The following SLC6A4 variants were observed in gnomAD, a reference collection of about 807,000 sequenced individuals.
SLC6A4 encodes sodium-dependent serotonin transporter.
Under a neutral mutation model 73.4 loss-of-function variants are expected in SLC6A4, and 22 were observed. That is an observed-to-expected ratio of 0.30 (90% CI 0.21 to 0.43). The LOEUF is 0.43. SLC6A4 is among the 20% of genes least tolerant of loss of function. The pLI, the probability that SLC6A4 is intolerant of heterozygous loss-of-function variation, is 1.00. For synonymous variants in SLC6A4, 270 were observed against 315.5 expected, an observed-to-expected ratio of 0.86 and a Z score of 1.53; for missense variants, 593 against 808.5, an observed-to-expected ratio of 0.73 and a Z score of 3.23.
chr17:30,219,019 G>A (rs185691990), intron 3 of SLC6A4, 88 bp from the exon 4 acceptor site: 366 of 1,537,666 alleles, frequency 2.4e-4, no homozygotes, highest in Non-Finnish European at 2.9e-4. Context: ...CACAGTCGCC[G>A]GATGATGTGA....
At chr17:30,200,011 G>A (rs1408044214) in intron 14 of SLC6A4, among the ~76,000 whole-genome samples, 5 of 151,884 alleles carry the variant, frequency 3.3e-5, no homozygotes, top group Admixed American at 6.6e-5. Flanking sequence ...GGATCCTCCT[G>A]CCTCAGCCTC....
chr17:30,200,494 C>T (rs1371315040), intron 14 of SLC6A4, among the ~76,000 whole-genome samples: 2 of 152,186 alleles, frequency 1.3e-5, no homozygotes, highest in South Asian at 2.1e-4. Context: ...ACTTCCAGAC[C>T]GTGGGTGTGT....
intron 2 of SLC6A4, among the ~76,000 whole-genome samples, chr17:30,222,500 A>G (rs1906799253): frequency 6.6e-6 from 1 of 152,222 alleles, no homozygotes; most frequent in South Asian, 2.1e-4. Context: ...AACAATGACA[A>G]GCAAAGGCGT....
intron 1 of SLC6A4, among the ~76,000 whole-genome samples, chr17:30,232,272 G>T (rs1001942813): frequency 4.6e-5 from 7 of 152,218 alleles, no homozygotes; most frequent in African/African-American, 1.7e-4. Context: ...TGGGTTCGCT[G>T]TGTCCCCAGC....
In SLC6A4 at chr17:30,207,743, G is replaced by C; in HGVS notation, c.1639C>G (p.Leu547Val). ...AAATGGCAACTCACCAGGAGAAACA[G>C]AGGGCTGATGGCCACCCAGCAGATC... ...WRICWVAISP[L>V]FLLFIICSFL... The change falls in exon 13 of 15, where the codon CTG becomes GTG. Residue 547 changes from leucine (L) to valine (V), a missense_variant. Leu to Val is a conservative substitution (Grantham distance 32). Transcript: ENST00000650711. 6.2e-7 allele frequency: 1 copy of C among 1,609,782 alleles called. No individual in the cohort carries two copies. Among genetic ancestry groups the C allele is most frequent in the Non-Finnish European group, 8.5e-7 (1 of 1,176,018 alleles).
At chr17:30,202,860 T>G (rs1210657371) in intron 14 of SLC6A4, among the ~76,000 whole-genome samples, 2 of 152,238 alleles carry the variant, frequency 1.3e-5, no homozygotes, top group Non-Finnish European at 2.9e-5. Flanking sequence ...CTGATATCCA[T>G]GCCCAGTGGC....
intron 14 of SLC6A4, among the ~76,000 whole-genome samples, chr17:30,199,648 C>G (rs978053368): frequency 6.6e-6 from 1 of 152,134 alleles, no homozygotes; most frequent in African/African-American, 2.4e-5. Context: ...ACATTTTGTG[C>G]TCCTCATGAC....
At chr17:30,214,422 CAAA>C (rs748274109) in intron 8 of SLC6A4, among the ~76,000 whole-genome samples, 2 of 79,492 alleles carry the variant, frequency 2.5e-5, no homozygotes, top group African/African-American at 5.4e-5. Context: ...AACTCCGTCT[CAAA>C]AAAAAAAAAA....
At chr17:30,199,441 T>C (rs1905961724) in intron 14 of SLC6A4, among the ~76,000 whole-genome samples, 1 of 152,228 alleles carries the variant, frequency 6.6e-6, no homozygotes, top group Non-Finnish European at 1.5e-5. Context: ...GAAAGCATCC[T>C]TTGATTTACT....
rs781026069 is a variant in SLC6A4 at position 30,221,588 on chromosome 17, GCCTCTACTCGCA to G, written c.343+16_343+27del. On this transcript the variant is annotated intron_variant, in intron 3 of 14. Transcript: ENST00000650711. Reference sequence around the variant, plus strand: ...GGGTCACAGCCCACCCTGGGTCACAGCCTCTACTCGCAGCCTGTGATACTGACCCCCTCCATT... The same window carrying G: ...GGGTCACAGCCCACCCTGGGTCACAGGCCTGTGATACTGACCCCCTCCATT... 4 of 1,590,276 alleles carry G rather than the reference GCCTCTACTCGCA, an allele frequency of 2.5e-6. No individual in the cohort carries two copies. The highest frequency in any genetic ancestry group is 3.4e-6 in the Non-Finnish European group (4 of 1,162,662).
chr17:30,216,041 A>G, intron 7 of SLC6A4, 41 bp downstream of exon 7: 1 of 1,589,210 alleles, frequency 6.3e-7, no homozygotes, highest in Non-Finnish European at 8.6e-7. Flanking sequence ...TTCGTTTAGT[A>G]AAATGACAGA....
chr17:30,222,016 G>A lies in SLC6A4; in HGVS notation c.-58C>T. ...CTGCCAAGGATCCCAATTGATCTCT[G>A]GGTGCTTGGATTTGTGGATCACCTC... On this transcript the variant is annotated 5_prime_UTR_variant, in exon 3 of 15. Coordinates refer to ENST00000650711, the MANE Select transcript of SLC6A4 (RefSeq NM_001045.6). 6.2e-7 allele frequency: 1 copy of A among 1,611,632 alleles called. No homozygotes were observed. The highest frequency in any genetic ancestry group is 8.5e-7 in the Non-Finnish European group (1 of 1,179,154).
intron 4 of SLC6A4, among the ~76,000 whole-genome samples, chr17:30,218,593 A>G (rs1056789373): frequency 6.6e-6 from 1 of 152,256 alleles, no homozygotes; most frequent in Admixed American, 6.5e-5. Flanking sequence ...TGTTTACATT[A>G]GTTTACTTCT....
Position 30,195,657 on chromosome 17 carries a change from T to A in SLC6A4, c.*2799A>T, listed in dbSNP as rs1347996044. ...AGAGAAATTAGCTTGGTCCCCAGGT[T>A]TGTCTCTGCCTCTAATGGCATTATC... On this transcript the variant is annotated 3_prime_UTR_variant, in exon 15 of 15. Coordinates refer to ENST00000650711, the MANE Select transcript of SLC6A4 (RefSeq NM_001045.6). 6.6e-6 allele frequency: 1 copy of A among 152,166 alleles called. No homozygotes were observed. Among genetic ancestry groups the A allele is most frequent in the Non-Finnish European group, 1.5e-5 (1 of 68,040 alleles). The allele number at this position is 152,166 out of a possible 1,614,324, so 9.4% of individuals were successfully genotyped here. A position where few individuals can be genotyped will look rare whatever the true frequency, so the allele number is the denominator to read the frequency against.
intron 11 of SLC6A4, 36 bp from the exon 12 acceptor site, chr17:30,209,278 C>G (rs1906309809): frequency 2.3e-6 from 3 of 1,318,958 alleles, no homozygotes; most frequent in Non-Finnish European, 3.3e-6. Context: ...GAGGGCCCTC[C>G]AAGGAGCCAC....
Position 30,195,755 on chromosome 17 carries a change from T to C in SLC6A4, c.*2701A>G, listed in dbSNP as rs200764971. Reference sequence around the variant, plus strand: ...ATGAAGTGGGGAAGGGGCAATACTATGGAAAATAGAAAAAGAAGACTTAAA... The same window carrying C: ...ATGAAGTGGGGAAGGGGCAATACTACGGAAAATAGAAAAAGAAGACTTAAA... On this transcript the variant is annotated 3_prime_UTR_variant, in exon 15 of 15. Coordinates refer to ENST00000650711, the MANE Select transcript of SLC6A4 (RefSeq NM_001045.6). 1.3e-5 allele frequency: 2 copies of C among 151,866 alleles called. No individual in the cohort carries two copies. The highest frequency in any genetic ancestry group is 2.9e-5 in the Non-Finnish European group (2 of 67,998). 9.4% of individuals were successfully genotyped at this position (151,866 alleles called of 1,614,324 possible).
Position 30,216,237 on chromosome 17 carries a change from C to T in SLC6A4, c.838-21G>A. 4 of 1,481,724 alleles carry T rather than the reference C, an allele frequency of 2.7e-6. No homozygotes were observed. The South Asian group carries it at 3.5e-5, about 13-fold the overall frequency. The allele number at this position is 1,481,724 out of a possible 1,614,324, so 91.8% of individuals were successfully genotyped here. A position where few individuals can be genotyped will look rare whatever the true frequency, so the allele number is the denominator to read the frequency against. On this transcript the variant is annotated intron_variant, in intron 6 of 14. Transcript: ENST00000650711. Reference sequence around the variant, plus strand: ...ACCACCTGTAAGGAAGAAGGGTTATCACCATGCTGTTCCAGGGAGGGGAGG... The same window carrying T: ...ACCACCTGTAAGGAAGAAGGGTTATTACCATGCTGTTCCAGGGAGGGGAGG...
At chr17:30,227,693 C>T (rs1010355600) in intron 1 of SLC6A4, among the ~76,000 whole-genome samples, 12 of 152,070 alleles carry the variant, frequency 7.9e-5, no homozygotes, top group African/African-American at 2.7e-4. Context: ...CACCATGTTG[C>T]CCAGGTTGGT....
intron 14 of SLC6A4, among the ~76,000 whole-genome samples, 173 bp downstream of exon 14, chr17:30,202,999 A>T (rs1906081480): frequency 6.6e-6 from 1 of 152,224 alleles, no homozygotes. Flanking sequence ...GAGATGCCTT[A>T]AGATAACAGT....
Sources: gnomAD v4.1 joint callset for allele counts (sites outside exome capture counted in the v4.1 genomes callset) on GRCh38, gnomAD v4.1.1 for gene constraint, MANE v1.5 for transcripts, NCBI Gene and HGNC (gene_info 2026-07-23, HGNC 2026-07-21) for gene names.